IRX2: variants seen among roughly 807,000 people sequenced by gnomAD.
The protein encoded by IRX2 is iroquois-class homeodomain protein IRX-2.
IRX2 carries 26 observed loss-of-function variants against 42.9 expected under a neutral mutation model. The observed-to-expected ratio is 0.61, with a 90% CI of 0.44 to 0.84. The LOEUF is 0.84. Among genes scored for constraint, IRX2 ranks in the 40% least tolerant of loss-of-function variants. IRX2 has a pLI of 0.00. For synonymous variants in IRX2, 424 were observed against 353.9 expected, an observed-to-expected ratio of 1.20 and a Z score of -2.22; for missense variants, 782 against 713.9, an observed-to-expected ratio of 1.10 and a Z score of -1.09.
At chr5:2,735,878 T>C in the IRX2 span, among the ~76,000 whole-genome samples, 1 of 152,188 alleles carries the variant, frequency 6.6e-6, no homozygotes, top group East Asian at 1.9e-4. Context: ...GCCCAGACTG[T>C]AGCAAAAGCT....
downstream of IRX2, among the ~76,000 whole-genome samples, chr5:2,741,862 A>T (rs1737549573): frequency 1.3e-5 from 2 of 152,238 alleles, no homozygotes; most frequent in South Asian, 4.1e-4. Flanking sequence ...ACACCTTTTA[A>T]AAATACTTTT....
chr5:2,750,551 A>G (rs1183781615), intron 1 of IRX2, among the ~76,000 whole-genome samples: 4 of 152,208 alleles, frequency 2.6e-5, no homozygotes, highest in South Asian at 2.1e-4. Flanking sequence ...CGGAGGACTC[A>G]GGCGGCCCTT....
Position 2,748,394 on chromosome 5 carries a change from C to T in IRX2, c.1314G>A (p.Pro438=). 1 of 1,481,522 alleles carries T rather than the reference C, an allele frequency of 6.7e-7. No individual in the cohort carries two copies. Among genetic ancestry groups the T allele is most frequent in the Non-Finnish European group, 8.9e-7 (1 of 1,121,290 alleles). 91.8% of individuals were successfully genotyped at this position (1,481,522 alleles called of 1,614,324 possible). A position where few individuals can be genotyped will look rare whatever the true frequency, so the allele number is the denominator to read the frequency against. Residue 438 remains proline, a synonymous_variant, in exon 3 of 4, where the codon CCG becomes CCA. Coordinates refer to ENST00000302057, the MANE Select transcript of IRX2 (RefSeq NM_033267.5). ...ASDAGKAGAH[P]LESHYRSPGG... is the part of the protein sequence containing the mutation. Reference sequence around the variant, plus strand: ...CCGGGGACCGGTAGTGGGACTCGAGCGGGTGCGCGCCCGCCTTGCCCGCGT... The same window carrying T: ...CCGGGGACCGGTAGTGGGACTCGAGTGGGTGCGCGCCCGCCTTGCCCGCGT...
chr5:2,747,707 C>A (rs1005278809), intron 3 of IRX2, 91 bp from the exon 4 acceptor site: 102 of 1,306,246 alleles, frequency 7.8e-5, no homozygotes, highest in Non-Finnish European at 1.1e-4. Flanking sequence ...CACTCCCAGG[C>A]AAACAGCAGT....
chr5:2,745,625 C>G (rs547195835), downstream of IRX2, among the ~76,000 whole-genome samples: 39 of 152,188 alleles, frequency 2.6e-4, no homozygotes, highest in African/African-American at 8.9e-4. Context: ...GATCCTCACC[C>G]GAGGTTTAAT....
downstream of IRX2, among the ~76,000 whole-genome samples, chr5:2,743,558 C>A (rs1737591520): frequency 6.6e-6 from 1 of 152,212 alleles, no homozygotes; most frequent in Non-Finnish European, 1.5e-5. Flanking sequence ...GCGCCCAGGC[C>A]TGCACCCGCA....
In IRX2 at chr5:2,748,665, CCCGGG is replaced by C; in HGVS notation, c.1038_1042del (p.Pro347LeufsTer163). The C allele has an allele frequency of 7.2e-7, 1 of 1,385,038 alleles. No individual in the cohort carries two copies. Among genetic ancestry groups the C allele is most frequent in the Non-Finnish European group, 9.3e-7 (1 of 1,071,272 alleles). The allele number at this position is 1,385,038 out of a possible 1,614,324, so 85.8% of individuals were successfully genotyped here. On this transcript the variant is annotated frameshift_variant, in exon 3 of 4. Coordinates refer to ENST00000302057, the MANE Select transcript of IRX2 (RefSeq NM_033267.5). LOFTEE classifies it high-confidence loss of function. ...CGCGGGCAGCCCCGGTGGCCCGCAG[CCCGGG>C]CCCAGGCTCGGCTGCTTGAGGTCCG...
chr5:2,740,722 C>G, the IRX2 span, among the ~76,000 whole-genome samples: 1 of 152,198 alleles, frequency 6.6e-6, no homozygotes, highest in Non-Finnish European at 1.5e-5. Flanking sequence ...GGAAGGTGGC[C>G]CGGAACCCCG....
chr5:2,749,891 G>GA, intron 1 of IRX2, 104 bp from the exon 2 acceptor site: 1 of 1,238,182 alleles, frequency 8.1e-7, no homozygotes. Flanking sequence ...TTCCCCCCGT[G>GA]AGTCTGGCTC....
At position 2,747,344 on chromosome 5, in the gene IRX2, A is replaced by T; in HGVS notation, c.*220T>A. 2.2e-6 allele frequency: 1 copy of T among 450,106 alleles called. No homozygotes were observed. Among genetic ancestry groups the T allele is most frequent in the Non-Finnish European group, 4.0e-6 (1 of 246,922 alleles). The allele number at this position is 450,106 out of a possible 1,614,324, so 27.9% of individuals were successfully genotyped here. A position where few individuals can be genotyped will look rare whatever the true frequency, so the allele number is the denominator to read the frequency against. The stretch of plus-strand genomic sequence containing the variant: ...ATTTTTTTTTTCCTTCCCTAGGTAA[A>T]GGAGTGATAGAACTTGTGCCAAAAA... On this transcript the variant is annotated 3_prime_UTR_variant, in exon 4 of 4. Coordinates refer to ENST00000302057, the MANE Select transcript of IRX2 (RefSeq NM_033267.5).
intron 2 of IRX2, 61 bp downstream of exon 2, chr5:2,749,321 C>T (rs1047958864): frequency 6.5e-7 from 1 of 1,537,014 alleles, no homozygotes; most frequent in Non-Finnish European, 8.7e-7. Flanking sequence ...CCCGCCTTAG[C>T]TCTGCGCCCC....
Position 2,751,240 on chromosome 5 carries a change from C to A in IRX2, c.174G>T (p.Ala58=). 1 of 1,390,142 alleles carries A rather than the reference C, an allele frequency of 7.2e-7. No homozygotes were observed. The highest frequency in any genetic ancestry group is 2.7e-4 in the Middle Eastern group (1 of 3,736). 86.1% of individuals were successfully genotyped at this position (1,390,142 alleles called of 1,614,324 possible). A position where few individuals can be genotyped will look rare whatever the true frequency, so the allele number is the denominator to read the frequency against. Residue 58 remains alanine, a synonymous_variant, in exon 1 of 4, where the codon GCG becomes GCT. Transcript: ENST00000302057. This position sits in a 1 kb window ranked among gnomAD's most constrained non-coding sequence, Gnocchi z 4.0. ...GCAGCGGGCTCCCGAAGCCGGTGGC[C>A]GCCTGCGCCGTGAAGGCCGCCGAGC... ...YPGSAAFTAQ[A]ATGFGSPLQY...
chr5:2,748,754 C>G lies in IRX2; in HGVS notation c.954G>C (p.Pro318=). ...GCTTGCTGGCGGGGGGCGGCGCGCC[C>G]GGAGACGTCCGGCTGCCCTGGGGCG... ...RKTPQGSRTS[P]GAPPPASKPK... Residue 318 remains proline, a synonymous_variant, in exon 3 of 4, where the codon CCG becomes CCC. Transcript: ENST00000302057. The G allele has an allele frequency of 7.3e-7, 1 of 1,361,742 alleles. No individual in the cohort carries two copies. The highest frequency in any genetic ancestry group is 1.8e-5 in the South Asian group (1 of 55,250). 84.4% of individuals were successfully genotyped at this position (1,361,742 alleles called of 1,614,324 possible). A position where few individuals can be genotyped will look rare whatever the true frequency, so the allele number is the denominator to read the frequency against.
intron 1 of IRX2, among the ~76,000 whole-genome samples, chr5:2,750,933 G>C (rs1034877120): frequency 4.6e-5 from 7 of 152,094 alleles, no homozygotes; most frequent in African/African-American, 1.7e-4. Flanking sequence ...GGGACGCGCG[G>C]GGGGCGCGCG....
downstream of IRX2, among the ~76,000 whole-genome samples, chr5:2,740,847 C>A (rs181048980): frequency 3.1e-3 from 477 of 152,304 alleles, 2 homozygotes; most frequent in Non-Finnish European, 5.7e-3. Flanking sequence ...GTGCACCGTC[C>A]CCCTTGCACG....
Position 2,748,404 on chromosome 5 carries a change from C to G in IRX2, c.1304G>C (p.Gly435Ala), listed in dbSNP as rs1737761906. ...GTAGTGGGACTCGAGCGGGTGCGCG[C>G]CCGCCTTGCCCGCGTCGCTGGCCGC... The part of the protein sequence containing the change: ...PKAASDAGKA[G>A]AHPLESHYRS... Residue 435 changes from glycine (G) to alanine (A), a missense_variant, in exon 3 of 4, where the codon GGC becomes GCC. Physicochemically the swap from Gly to Ala is moderately conservative, Grantham distance 60 (BLOSUM62 0). Coordinates refer to ENST00000302057, the MANE Select transcript of IRX2 (RefSeq NM_033267.5). The G allele has an allele frequency of 6.7e-7, 1 of 1,488,716 alleles. No homozygotes were observed. 92.2% of individuals were successfully genotyped at this position (1,488,716 alleles called of 1,614,324 possible).
chr5:2,749,377 C>T lies in IRX2; in HGVS notation c.655+5G>A, dbSNP rs1276046189. The T allele has an allele frequency of 4.4e-6, 7 of 1,590,090 alleles. No individual in the cohort carries two copies. Among genetic ancestry groups the T allele is most frequent in the Non-Finnish European group, 5.1e-6 (6 of 1,168,778 alleles). On this transcript the variant is annotated splice_donor_5th_base_variant and intron_variant, in intron 2 of 3. Coordinates refer to ENST00000302057, the MANE Select transcript of IRX2 (RefSeq NM_033267.5). ...GAGACCTTGCGCCGGCCGCTGCCCG[C>T]TCACCTTCGTCCTCTGCCGAGGTCT... is the stretch of plus-strand genomic sequence containing the variant.
Position 2,748,885 on chromosome 5 carries a change from G to T in IRX2, c.823C>A (p.Arg275=), listed in dbSNP as rs1327431972. The change falls in exon 3 of 4, where the codon CGG becomes AGG. Residue 275 remains arginine (R), a synonymous_variant. Transcript: ENST00000302057. The part of the protein sequence containing the change: ...DDEDDDEEGE[R]GLAPPKPVTS... ...ACGGGCTTGGGCGGCGCCAGGCCCC[G>T]CTCGCCCTCCTCGTCGTCGTCCTCG... The T allele has an allele frequency of 2.5e-6, 4 of 1,595,256 alleles. No individual in the cohort carries two copies. The highest frequency in any genetic ancestry group is 3.3e-5 in the Admixed American group (2 of 59,834).
chr5:2,746,594 C>CA lies in IRX2; in HGVS notation c.*969dup, dbSNP rs1737671425. On this transcript the variant is annotated 3_prime_UTR_variant, in exon 4 of 4. Transcript: ENST00000302057. Reference sequence around the variant, plus strand: ...TGCCAACAAATTCACATATGTCCAACAATAGTCTGTTCCAATTGTTAGAGT... The same window carrying CA: ...TGCCAACAAATTCACATATGTCCAACAAATAGTCTGTTCCAATTGTTAGAGT... 1 of 152,618 alleles carries CA rather than the reference C, an allele frequency of 6.6e-6. No homozygotes were observed. The highest frequency in any genetic ancestry group is 6.6e-5 in the Admixed American group (1 of 15,266). The allele number at this position is 152,618 out of a possible 1,614,324, so 9.5% of individuals were successfully genotyped here.
Sources: allele counts gnomAD v4.1 joint callset (sites outside exome capture counted in the v4.1 genomes callset), GRCh38; gene constraint gnomAD v4.1.1; non-coding constraint Gnocchi (gnomAD v3.1); transcripts MANE v1.5; gene names NCBI Gene and HGNC (gene_info 2026-07-23, HGNC 2026-07-21).